SORCS3: variants seen among roughly 807,000 people sequenced by gnomAD.
SORCS3 encodes the protein VPS10 domain-containing receptor SorCS3.
Under a neutral mutation model 146.3 loss-of-function variants are expected in SORCS3, and 57 were observed. That is an observed-to-expected ratio of 0.39 (90% CI 0.31 to 0.49). The LOEUF is 0.49. Ranked by LOEUF, SORCS3 falls within the 20% of genes least tolerant of loss-of-function variation. The probability of loss-of-function intolerance (pLI) is 0.92; values close to 1 mark genes in which losing one functional copy is unlikely to be tolerated. For synonymous variants in SORCS3, 653 were observed against 618.5 expected (o/e 1.06, Z -0.83); for missense variants, 1,341 against 1,575.5 (o/e 0.85, Z 2.52).
At chr10:105,090,053 A>T (rs1199806782) in intron 6 of SORCS3, among the ~76,000 whole-genome samples, 4 of 152,194 alleles carry the variant, frequency 2.6e-5, no homozygotes, top group Non-Finnish European at 5.9e-5. Context: ...GTCTGGGGAT[A>T]TGAGTTAATG....
At chr10:105,091,006 A>C (rs2055698054) in intron 6 of SORCS3, among the ~76,000 whole-genome samples, 1 of 152,126 alleles carries the variant, frequency 6.6e-6, no homozygotes, top group African/African-American at 2.4e-5. Context: ...ATTTATTTTT[A>C]TTTTTAAAAG....
intron 3 of SORCS3, among the ~76,000 whole-genome samples, chr10:104,973,038 A>G (rs1219573870): frequency 6.6e-6 from 1 of 152,100 alleles, no homozygotes; most frequent in Non-Finnish European, 1.5e-5. Context: ...CATTCCAGGG[A>G]TGAAGCCCAC....
At chr10:104,691,808 A>G (rs1188038141) in intron 1 of SORCS3, among the ~76,000 whole-genome samples, 1 of 152,026 alleles carries the variant, frequency 6.6e-6, no homozygotes, top group Admixed American at 6.6e-5. Flanking sequence ...TGGTGTGATC[A>G]TAGCTCACCA....
At chr10:104,951,360 T>C (rs970873984) in intron 3 of SORCS3, among the ~76,000 whole-genome samples, 3 of 152,146 alleles carry the variant, frequency 2.0e-5, no homozygotes, top group African/African-American at 7.2e-5. Context: ...AGGGTCAGTG[T>C]CTTGCTCTGT....
At chr10:104,855,011 G>A (rs937968059) in intron 2 of SORCS3, among the ~76,000 whole-genome samples, 3 of 152,154 alleles carry the variant, frequency 2.0e-5, no homozygotes, top group African/African-American at 7.2e-5. Flanking sequence ...AAATAATGCT[G>A]TTCTGAACAT....
chr10:105,106,814 C>G (rs1025848658), intron 7 of SORCS3, among the ~76,000 whole-genome samples: 3 of 152,162 alleles, frequency 2.0e-5, no homozygotes, highest in African/African-American at 7.2e-5. Flanking sequence ...AATTGTATTT[C>G]TAAGTCTTGG....
In SORCS3 at chr10:104,976,055, C is replaced by G. The variant is rs528857294; in HGVS notation, c.796-1280C>G. Among the ~76,000 whole-genome samples the G allele has an allele frequency of 2.6e-5, 4 of 152,240 alleles. No individual in the cohort carries two copies. The East Asian group carries it at 7.7e-4, about 29-fold the overall frequency. On this transcript the variant is annotated intron_variant, in intron 3 of 26. Transcript: ENST00000369701. ...GCAATGGAACAAAAGCCAAAATTGA[C>G]AAATGGGATCTAATTAAACTAAAGA...
intron 7 of SORCS3, among the ~76,000 whole-genome samples, chr10:105,105,767 T>G (rs1188259111): frequency 6.6e-6 from 1 of 152,294 alleles, no homozygotes; most frequent in Admixed American, 6.5e-5. Context: ...TTGGGCTGGG[T>G]TTGAAGTAAC....
intron 1 of SORCS3, among the ~76,000 whole-genome samples, chr10:104,751,353 A>G (rs2016981165): frequency 6.6e-6 from 1 of 152,200 alleles, no homozygotes. Context: ...ACTACAGATT[A>G]TAGGTGTGTC....
intron 3 of SORCS3, among the ~76,000 whole-genome samples, chr10:104,940,227 TA>T (rs1564717866): frequency 3.9e-4 from 7 of 17,748 alleles, no homozygotes; most frequent in African/African-American, 9.0e-4. Context: ...TATATATATA[TA>T]TATATATATA....
At chr10:105,231,496 A>G (rs1453871092) in intron 20 of SORCS3, among the ~76,000 whole-genome samples, 1 of 152,154 alleles carries the variant, frequency 6.6e-6, no homozygotes, top group Non-Finnish European at 1.5e-5. Flanking sequence ...CTTTCCCAAT[A>G]TAACTTTTGT....
chr10:105,079,522 T>C (rs1219147871), intron 5 of SORCS3, among the ~76,000 whole-genome samples: 2 of 152,194 alleles, frequency 1.3e-5, no homozygotes, highest in Admixed American at 1.3e-4. Context: ...TAGTCAATAG[T>C]AACATATTGT....
chr10:105,255,448 T>C (rs1389314715), intron 23 of SORCS3, among the ~76,000 whole-genome samples: 3 of 152,088 alleles, frequency 2.0e-5, no homozygotes, highest in Admixed American at 2.0e-4. Context: ...GTTGTGCACA[T>C]GTACCCTAAA....
intron 3 of SORCS3, among the ~76,000 whole-genome samples, chr10:104,943,138 T>A (rs965116647): frequency 2.3e-4 from 34 of 148,788 alleles, no homozygotes; most frequent in East Asian, 7.7e-4. Flanking sequence ...TATAAAATAT[T>A]TTTTTTTAAG....
At chr10:104,757,830 C>A (rs187599056) in intron 1 of SORCS3, among the ~76,000 whole-genome samples, 1 of 148,654 alleles carries the variant, frequency 6.7e-6, no homozygotes, top group African/African-American at 2.5e-5. Flanking sequence ...GTGCTTGATT[C>A]TCTACTTGCG....
chr10:105,231,063 T>C (rs1026967422), intron 20 of SORCS3, among the ~76,000 whole-genome samples: 4 of 152,162 alleles, frequency 2.6e-5, no homozygotes, highest in African/African-American at 7.2e-5. Context: ...CCTTTCCACA[T>C]TGGGGAATCT....
chr10:104,777,728 C>A (rs1041233106), intron 1 of SORCS3, among the ~76,000 whole-genome samples: 13 of 151,996 alleles, frequency 8.6e-5, no homozygotes, highest in Non-Finnish European at 1.5e-4. Flanking sequence ...GCAAAACTGC[C>A]TGATTTTGTG....
intron 17 of SORCS3, among the ~76,000 whole-genome samples, chr10:105,214,165 G>A (rs1419284291): frequency 6.6e-6 from 1 of 152,084 alleles, no homozygotes. Context: ...TTCCTTGTCT[G>A]GTTTAGACAC....
chr10:105,161,920 A>C (rs1489226219), intron 11 of SORCS3, among the ~76,000 whole-genome samples: 1 of 152,074 alleles, frequency 6.6e-6, no homozygotes, highest in Non-Finnish European at 1.5e-5. Flanking sequence ...CTCCACAGCT[A>C]ACCAGACCCC....
Sources: gnomAD v4.1 joint callset for allele counts (sites outside exome capture counted in the v4.1 genomes callset) on GRCh38, gnomAD v4.1.1 for gene constraint, MANE v1.5 for transcripts, NCBI Gene and HGNC (gene_info 2026-07-23, HGNC 2026-07-21) for gene names.